The following ARHGAP18 variants were observed in gnomAD, a reference collection of about 807,000 sequenced individuals.
The protein encoded by ARHGAP18 is rho GTPase-activating protein 18.
Under a neutral mutation model 86.2 loss-of-function variants are expected in ARHGAP18, and 67 were observed. The observed-to-expected ratio is 0.78, with a 90% confidence interval of 0.64 to 0.95. The LOEUF (loss-of-function observed/expected upper bound fraction) is 0.95, where lower values mean the gene tolerates loss of function less well. Among genes scored for constraint, ARHGAP18 ranks in the 40% least tolerant of loss-of-function variants. ARHGAP18 has a pLI of 0.00. For synonymous variants in ARHGAP18, 283 were observed against 280.4 expected (o/e 1.01, Z -0.09); for missense variants, 691 against 780.4 (o/e 0.89, Z 1.37).
chr6:129,588,195 A>G (rs4316018), intron 12 of ARHGAP18, among the ~76,000 whole-genome samples: 38,122 of 150,496 alleles, frequency 0.25, 7,038 homozygotes, highest in African/African-American at 0.5. Flanking sequence ...TCAGCTCACT[A>G]CAACCTCTGC....
chr6:129,657,928 G>A (rs1436408452), intron 1 of ARHGAP18, among the ~76,000 whole-genome samples: 2 of 152,166 alleles, frequency 1.3e-5, no homozygotes, highest in African/African-American at 4.8e-5. Context: ...ATGAATCATA[G>A]TATACGGTCA....
intron 1 of ARHGAP18, among the ~76,000 whole-genome samples, chr6:129,674,889 C>G (rs1052384028): frequency 1.3e-5 from 2 of 152,124 alleles, no homozygotes; most frequent in Non-Finnish European, 2.9e-5. Context: ...GTGTGGCCAA[C>G]TGAATCTATG....
At position 129,634,038 on chromosome 6, in the gene ARHGAP18, A is replaced by T. The variant is rs1266720845; in HGVS notation, c.616+4T>A. The T allele has an allele frequency of 6.2e-7, 1 of 1,609,912 alleles. No homozygotes were observed. The highest frequency in any genetic ancestry group is 2.2e-5 in the East Asian group (1 of 44,816). On this transcript the variant is annotated splice_donor_region_variant and intron_variant, in intron 4 of 14. Coordinates refer to ENST00000368149, the MANE Select transcript of ARHGAP18 (RefSeq NM_033515.3). ...AAAAAAACAAGAGAACAGGTTCAAC[A>T]TACCATCTCTTCCTTGGTATTTGTT...
chr6:129,618,877 T>C, intron 5 of ARHGAP18, 25 bp from the exon 6 acceptor site: 1 of 1,600,548 alleles, frequency 6.2e-7, no homozygotes, highest in Non-Finnish European at 8.5e-7. Flanking sequence ...ATTAATATAG[T>C]AAAAGCTTAC....
chr6:129,625,796 T>TTATATATTATATATTTA lies in ARHGAP18; in HGVS notation c.786+3556_786+3557insTAAATATATAATATATA, dbSNP rs1789431220. ...ATATTTATATATATAATATATATTT[T>TTATATATTATATATTTA]TATATTATATATTATATATTTATAT... On this transcript the variant is annotated intron_variant, in intron 5 of 14. Transcript: ENST00000368149. 5.9e-5 allele frequency among the ~76,000 whole-genome samples: 2 copies of TTATATATTATATATTTA among 33,780 alleles called. 1 individual carries two copies. Among genetic ancestry groups the TTATATATTATATATTTA allele is most frequent in the Non-Finnish European group, 1.1e-4 (2 of 17,828 alleles). 22.2% of individuals were successfully genotyped at this position (33,780 alleles called of 152,430 possible). A position where few individuals can be genotyped will look rare whatever the true frequency, so the allele number is the denominator to read the frequency against.
intron 1 of ARHGAP18, among the ~76,000 whole-genome samples, chr6:129,683,472 T>C (rs1333093760): frequency 1.3e-5 from 2 of 152,246 alleles, no homozygotes; most frequent in Non-Finnish European, 2.9e-5. Flanking sequence ...TGAAAAACTA[T>C]ATCTACTTGC....
intron 1 of ARHGAP18, among the ~76,000 whole-genome samples, chr6:129,688,795 A>G (rs556257118): frequency 6.6e-6 from 1 of 151,832 alleles, no homozygotes; most frequent in South Asian, 2.1e-4. Context: ...TCCAAGTCAA[A>G]AAAAAAAAAT....
At position 129,625,158 on chromosome 6, in the gene ARHGAP18, TATA is replaced by T. The variant is rs1789344343; in HGVS notation, c.786+4192_786+4194del. 3.8e-5 allele frequency among the ~76,000 whole-genome samples: 2 copies of T among 53,314 alleles called. 1 individual carries two copies. The allele number at this position is 53,314 out of a possible 152,430, so 35.0% of individuals were successfully genotyped here. A position where few individuals can be genotyped will look rare whatever the true frequency, so the allele number is the denominator to read the frequency against. ...TGATATATATTATATATTATATAGA[TATA>T]TATTATATATGATATATTATATATT... On this transcript the variant is annotated intron_variant, in intron 5 of 14. Transcript: ENST00000368149.
intron 6 of ARHGAP18, among the ~76,000 whole-genome samples, chr6:129,617,157 C>T (rs1326999643): frequency 6.6e-6 from 1 of 151,974 alleles, no homozygotes; most frequent in African/African-American, 2.4e-5. Flanking sequence ...AGAAATAGCT[C>T]CAGAAAAAAA....
chr6:129,646,036 A>G (rs1008631585), intron 1 of ARHGAP18, among the ~76,000 whole-genome samples: 8 of 152,218 alleles, frequency 5.3e-5, no homozygotes, highest in African/African-American at 1.7e-4. Flanking sequence ...CAAATATTAA[A>G]CTGGTCTGAC....
At chr6:129,600,239 G>C (rs1788710547) in intron 11 of ARHGAP18, among the ~76,000 whole-genome samples, 1 of 152,118 alleles carries the variant, frequency 6.6e-6, no homozygotes, top group African/African-American at 2.4e-5. Context: ...CCTCTGATAA[G>C]CTGTCAAAAC....
At chr6:129,603,039 G>GCTTA (rs1376507737) in intron 10 of ARHGAP18, among the ~76,000 whole-genome samples, 3 of 150,626 alleles carry the variant, frequency 2.0e-5, no homozygotes, top group African/African-American at 7.3e-5. Context: ...GGTGGTTTTT[G>GCTTA]CTTACATGGG....
chr6:129,695,640 T>G (rs911050911), intron 1 of ARHGAP18, among the ~76,000 whole-genome samples: 24 of 152,200 alleles, frequency 1.6e-4, no homozygotes, highest in African/African-American at 5.5e-4. Context: ...AGTGAAGGTT[T>G]ATTTCCCTAA....
At chr6:129,634,540 T>A (rs1259923341) in intron 3 of ARHGAP18, among the ~76,000 whole-genome samples, 1 of 152,178 alleles carries the variant, frequency 6.6e-6, no homozygotes, top group Non-Finnish European at 1.5e-5. Context: ...GAAAATACTA[T>A]GCTAAGTGAA....
chr6:129,655,329 A>AG (rs1773807476), intron 1 of ARHGAP18, among the ~76,000 whole-genome samples: 1 of 142,832 alleles, frequency 7.0e-6, no homozygotes, highest in Non-Finnish European at 1.5e-5. Flanking sequence ...AAAAAAAAAA[A>AG]AAAAAAAAAA....
At chr6:129,663,636 GACAGAGGAAACACATT>G (rs1773992233) in intron 1 of ARHGAP18, among the ~76,000 whole-genome samples, 1 of 152,170 alleles carries the variant, frequency 6.6e-6, no homozygotes, top group South Asian at 2.1e-4. Flanking sequence ...ATTGTATCGT[GACAGAGGAAACACATT>G]ACTCTTCAAC....
At chr6:129,629,793 A>G (rs1436541081) in intron 4 of ARHGAP18, among the ~76,000 whole-genome samples, 1 of 152,178 alleles carries the variant, frequency 6.6e-6, no homozygotes, top group Admixed American at 6.5e-5. Context: ...ATTCCAAAAC[A>G]TTGCTGGAAG....
chr6:129,704,951 G>GTAAGT (rs1774779136), intron 1 of ARHGAP18, among the ~76,000 whole-genome samples: 2 of 152,168 alleles, frequency 1.3e-5, no homozygotes. Context: ...CTCTCTGGGT[G>GTAAGT]CTTGGTTTCA....
chr6:129,616,162 T>C (rs770043537), intron 7 of ARHGAP18, 50 bp downstream of exon 7: 1 of 1,380,522 alleles, frequency 7.2e-7, no homozygotes, highest in South Asian at 1.4e-5. Context: ...CAAAAACCAC[T>C]ATTAGCTTAA....
Sources: allele counts gnomAD v4.1 joint callset (sites outside exome capture counted in the v4.1 genomes callset), GRCh38; gene constraint gnomAD v4.1.1; transcripts MANE v1.5; gene names NCBI Gene and HGNC (gene_info 2026-07-23, HGNC 2026-07-21).